The following TENM4 variants were observed in gnomAD, a reference collection of about 807,000 sequenced individuals.
The protein encoded by TENM4 is teneurin-4.
In TENM4, 82 loss-of-function variants were observed where a neutral mutation model predicts 243.3. The ratio of observed to expected loss-of-function variants is 0.34; its 90% CI spans 0.28 to 0.40. TENM4 has a LOEUF of 0.40. Ranked by LOEUF, TENM4 falls within the 10% of genes least tolerant of loss-of-function variation. The probability of loss-of-function intolerance (pLI) is 1.00; values close to 1 mark genes in which losing one functional copy is unlikely to be tolerated. For missense variants in TENM4, 3,138 were observed against 3,673.3 expected (o/e 0.85, Z 3.77); for synonymous variants, 1,412 against 1,456.3 (o/e 0.97, Z 0.69).
intron 1 of TENM4, among the ~76,000 whole-genome samples, chr11:79,310,891 C>A (rs1227939491): frequency 6.6e-6 from 1 of 152,172 alleles, no homozygotes; most frequent in Non-Finnish European, 1.5e-5. Flanking sequence ...ACTACAGCAA[C>A]TAAGTGGGTA....
At chr11:78,949,311 T>C (rs754771402) in intron 6 of TENM4, among the ~76,000 whole-genome samples, 11 of 152,176 alleles carry the variant, frequency 7.2e-5, no homozygotes, top group African/African-American at 1.9e-4. Flanking sequence ...CTGTCTTATA[T>C]ATGTCAGTAC....
intron 19 of TENM4, among the ~76,000 whole-genome samples, chr11:78,755,521 G>A (rs577013749): frequency 2.8e-4 from 43 of 152,148 alleles, no homozygotes; most frequent in Admixed American, 2.6e-3. Context: ...TTCATTGATG[G>A]CTCCCAAATC....
intron 6 of TENM4, among the ~76,000 whole-genome samples, chr11:78,920,258 T>G (rs1323382128): frequency 2.0e-5 from 3 of 152,220 alleles, no homozygotes; most frequent in Non-Finnish European, 4.4e-5. Context: ...AGGCATTGAA[T>G]CAGGCACAGA....
intron 6 of TENM4, among the ~76,000 whole-genome samples, chr11:78,927,219 G>A (rs1220626802): frequency 6.6e-6 from 1 of 152,176 alleles, no homozygotes; most frequent in East Asian, 1.9e-4. Flanking sequence ...TTTGCTAGCT[G>A]CTGTGTGCCA....
chr11:79,217,368 G>T (rs1307001100), intron 2 of TENM4, among the ~76,000 whole-genome samples: 1 of 152,068 alleles, frequency 6.6e-6, no homozygotes, highest in African/African-American at 2.4e-5. Flanking sequence ...AGACCTACTA[G>T]GCTAAAGAAT....
intron 4 of TENM4, among the ~76,000 whole-genome samples, chr11:79,079,731 A>G (rs1170801004): frequency 6.7e-6 from 1 of 150,096 alleles, no homozygotes; most frequent in Non-Finnish European, 1.5e-5. Context: ...CAGGAGGCTG[A>G]GGCATGAGAA....
At chr11:78,840,695 C>T (rs529921386) in intron 12 of TENM4, among the ~76,000 whole-genome samples, 24 of 152,272 alleles carry the variant, frequency 1.6e-4, no homozygotes, top group African/African-American at 4.8e-4. Context: ...TGACAAAGCT[C>T]GCACCCTGCA....
intron 6 of TENM4, among the ~76,000 whole-genome samples, chr11:78,951,370 C>T (rs569788416): frequency 1.2e-4 from 19 of 152,332 alleles, no homozygotes; most frequent in African/African-American, 4.1e-4. Flanking sequence ...AGGAAATAAA[C>T]ACTTCCAGAC....
At chr11:79,004,941 C>CAAAAAAAAAA (rs58631195) in intron 6 of TENM4, among the ~76,000 whole-genome samples, 8 of 87,802 alleles carry the variant, frequency 9.1e-5, no homozygotes, top group Non-Finnish European at 1.2e-4. Context: ...ATAGAAATAC[C>CAAAAAAAAAA]AAAAAAAAAA....
rs183406307 is a variant in TENM4 at position 79,086,015 on chromosome 11, C to T, written c.-65-16006G>A. Among the ~76,000 whole-genome samples, 229 of 152,284 alleles carry T rather than the reference C, an allele frequency of 1.5e-3. 1 individual carries two copies. The highest frequency in any genetic ancestry group is 4.5e-3 in the African/African-American group (185 of 41,562). ...TGTATTTATTACTAAGTCACCAGAACGACTCTGGAAGTGAGGCATGATGGT... is the reference window on the plus strand; with the variant it reads ...TGTATTTATTACTAAGTCACCAGAATGACTCTGGAAGTGAGGCATGATGGT... On this transcript the variant is annotated intron_variant, in intron 4 of 33. Transcript: ENST00000278550.
chr11:78,706,791 T>C (rs575024239), intron 27 of TENM4, among the ~76,000 whole-genome samples: 2 of 152,284 alleles, frequency 1.3e-5, no homozygotes, highest in Admixed American at 6.5e-5. Flanking sequence ...AGGGCCCATT[T>C]TGAGAATTGA....
chr11:78,799,779 G>T (rs923379466), intron 15 of TENM4, among the ~76,000 whole-genome samples: 1 of 152,144 alleles, frequency 6.6e-6, no homozygotes, highest in Non-Finnish European at 1.5e-5. Context: ...TCATAAACCC[G>T]CAGCATGAGC....
intron 19 of TENM4, among the ~76,000 whole-genome samples, chr11:78,746,065 G>C (rs953075017): frequency 2.0e-5 from 3 of 152,098 alleles, no homozygotes; most frequent in African/African-American, 7.2e-5. Flanking sequence ...AGATTTTTCT[G>C]CCTCAGCCTC....
At chr11:79,222,630 A>T (rs1449647978) in intron 2 of TENM4, among the ~76,000 whole-genome samples, 5 of 152,242 alleles carry the variant, frequency 3.3e-5, no homozygotes, top group African/African-American at 4.8e-5. Context: ...CCAACAATGT[A>T]AAAGCATTCC....
chr11:78,834,222 C>T (rs1858046102), intron 12 of TENM4, among the ~76,000 whole-genome samples: 1 of 152,172 alleles, frequency 6.6e-6, no homozygotes, highest in African/African-American at 2.4e-5. Context: ...CTCTCCTTTT[C>T]TCTGATCTAT....
intron 18 of TENM4, among the ~76,000 whole-genome samples, chr11:78,761,333 G>C (rs990759941): frequency 5.9e-5 from 9 of 151,562 alleles, no homozygotes; most frequent in Non-Finnish European, 8.8e-5. Flanking sequence ...TCCGCCTCCC[G>C]GGTTCCCACC....
intron 2 of TENM4, among the ~76,000 whole-genome samples, chr11:79,235,971 A>G (rs551457732): frequency 1.8e-4 from 27 of 152,140 alleles, no homozygotes; most frequent in Middle Eastern, 3.4e-3. Flanking sequence ...CATACAATGC[A>G]TAGGAGAAAG....
intron 2 of TENM4, among the ~76,000 whole-genome samples, chr11:79,219,653 C>T (rs934537870): frequency 6.6e-6 from 1 of 152,188 alleles, no homozygotes; most frequent in African/African-American, 2.4e-5. Context: ...GATCCAAACC[C>T]TGTTCTTTTC....
intron 3 of TENM4, among the ~76,000 whole-genome samples, chr11:79,156,058 T>C (rs1041882926): frequency 6.6e-6 from 1 of 152,162 alleles, no homozygotes; most frequent in African/African-American, 2.4e-5. Context: ...TTCAGTTACA[T>C]AGAAAATGTC....
Sources: gnomAD v4.1 joint callset for allele counts (sites outside exome capture counted in the v4.1 genomes callset) on GRCh38, gnomAD v4.1.1 for gene constraint, MANE v1.5 for transcripts, NCBI Gene and HGNC (gene_info 2026-07-23, HGNC 2026-07-21) for gene names.